MARCHF8: variants seen among roughly 807,000 people sequenced by gnomAD.
MARCHF8 encodes membrane associated ring-CH-type finger 8.
A neutral mutation model predicts 51.6 loss-of-function variants in MARCHF8; 40 were observed. The ratio of observed to expected loss-of-function variants is 0.77; its 90% CI spans 0.60 to 1.01. The LOEUF (loss-of-function observed/expected upper bound fraction) is 1.01. Ranked by LOEUF, MARCHF8 falls within the 50% of genes least tolerant of loss-of-function variation. MARCHF8 has a pLI of 0.00. For missense variants in MARCHF8, 685 were observed against 708.6 expected (o/e 0.97, Z 0.38); for synonymous variants, 263 against 280.3 (o/e 0.94, Z 0.62).
At chr10:45,458,785 G>A (rs1488233751) in intron 7 of MARCHF8, among the ~76,000 whole-genome samples, 1 of 152,094 alleles carries the variant, frequency 6.6e-6, no homozygotes, top group East Asian at 1.9e-4. Context: ...CAAGTATCTG[G>A]GGACCACAAG....
chr10:45,556,855 A>G (rs2044256606), intron 1 of MARCHF8, among the ~76,000 whole-genome samples: 1 of 152,240 alleles, frequency 6.6e-6, no homozygotes, highest in Admixed American at 6.5e-5. Flanking sequence ...AAGGATGAGT[A>G]AATAGAATCA....
intron 2 of MARCHF8, among the ~76,000 whole-genome samples, chr10:45,502,148 C>T (rs1484835562): frequency 6.6e-6 from 1 of 152,134 alleles, no homozygotes; most frequent in African/African-American, 2.4e-5. Flanking sequence ...AATGAAAACA[C>T]ATGTTCACAT....
At chr10:45,464,904 G>A (rs1293808343) in intron 3 of MARCHF8, among the ~76,000 whole-genome samples, 1 of 152,240 alleles carries the variant, frequency 6.6e-6, no homozygotes, top group East Asian at 1.9e-4. Flanking sequence ...ACCAGGGGCT[G>A]AGGTAGAGCA....
chr10:45,578,553 C>A (rs1187758334), intron 1 of MARCHF8, among the ~76,000 whole-genome samples: 1 of 152,144 alleles, frequency 6.6e-6, no homozygotes, highest in Non-Finnish European at 1.5e-5. Context: ...AAAGTCATCA[C>A]TGGACGCTAA....
intron 1 of MARCHF8, among the ~76,000 whole-genome samples, chr10:45,565,160 G>A (rs185209263): frequency 1.3e-4 from 20 of 152,228 alleles, no homozygotes; most frequent in African/African-American, 4.6e-4. Flanking sequence ...CATGACAGTA[G>A]GCTGTCATCT....
intron 1 of MARCHF8, among the ~76,000 whole-genome samples, chr10:45,541,425 T>C (rs2044050832): frequency 6.6e-6 from 1 of 150,992 alleles, no homozygotes; most frequent in African/African-American, 2.4e-5. Flanking sequence ...TGTTGCGGGG[T>C]GGGGGGCTAG....
In MARCHF8 at chr10:45,461,300, G is replaced by A. The variant is rs572502084; in HGVS notation, c.1200C>T (p.Ser400=). 41 of 1,604,820 alleles carry A rather than the reference G, an allele frequency of 2.6e-5. No individual in the cohort carries two copies. Among genetic ancestry groups the A allele is most frequent in the East Asian group, 6.9e-5 (3 of 43,762 alleles). The change falls in exon 6 of 8, where the codon TCC becomes TCT. Residue 400 remains serine (S), a synonymous_variant. Transcript: ENST00000453424. ...QACLQQWIKS[S]DTRCCELCKY... ...TGCAGAGCTCGCAGCAGCGCGTGTC[G>A]GAGCTCTTGATCCACTGCTGCAGGC...
chr10:45,510,058 A>G (rs528300862), intron 2 of MARCHF8, among the ~76,000 whole-genome samples: 7 of 152,306 alleles, frequency 4.6e-5, no homozygotes, highest in Admixed American at 2.0e-4. Flanking sequence ...AATGGGATAG[A>G]GTAGTACAGT....
At chr10:45,473,692 G>C (rs180685839) in intron 3 of MARCHF8, among the ~76,000 whole-genome samples, 1 of 152,076 alleles carries the variant, frequency 6.6e-6, no homozygotes, top group African/African-American at 2.4e-5. Context: ...GAATAGAGTG[G>C]GTTTAAGCCT....
At chr10:45,521,372 G>A (rs937702485) in intron 2 of MARCHF8, among the ~76,000 whole-genome samples, 6 of 152,170 alleles carry the variant, frequency 3.9e-5, no homozygotes, top group African/African-American at 1.4e-4. Flanking sequence ...CTAGAACAAT[G>A]CAGCATAGCA....
rs1842644520 is a variant in MARCHF8, at chr10:45,457,668, G to A, written c.*571C>T. On this transcript the variant is annotated 3_prime_UTR_variant, in exon 8 of 8. Transcript: ENST00000453424. ...GATTTTCTTCTGTAAAGTGCTGTTTGCTCAGTGAATCATGCGCCACCACAG... is the reference window on the plus strand; with the variant it reads ...GATTTTCTTCTGTAAAGTGCTGTTTACTCAGTGAATCATGCGCCACCACAG... The A allele has an allele frequency of 6.5e-6, 1 of 152,830 alleles. No homozygotes were observed. The highest frequency in any genetic ancestry group is 2.4e-5 in the African/African-American group (1 of 41,436). The allele number at this position is 152,830 out of a possible 1,614,324, so 9.5% of individuals were successfully genotyped here. A position where few individuals can be genotyped will look rare whatever the true frequency, so the allele number is the denominator to read the frequency against.
chr10:45,560,021 C>G (rs897593928), intron 1 of MARCHF8, among the ~76,000 whole-genome samples: 1 of 152,076 alleles, frequency 6.6e-6, no homozygotes, highest in African/African-American at 2.4e-5. Flanking sequence ...CCAAGGACAG[C>G]CAATCTGCTG....
At position 45,499,623 on chromosome 10, in the gene MARCHF8, T is replaced by C. The variant is rs115884961; in HGVS notation, c.103-10206A>G. Among the ~76,000 whole-genome samples, 1,303 of 152,298 alleles carry C rather than the reference T, an allele frequency of 8.6e-3. 10 individuals are homozygous for C. Among genetic ancestry groups the C allele is most frequent in the African/African-American group, 0.024 (989 of 41,574 alleles). ...TACATGGTGTAAAGTAAGGGTCCAA[T>C]TGTATTCTTTTGCCTCTTAATATCC... On this transcript the variant is annotated intron_variant, in intron 2 of 7. Coordinates refer to ENST00000453424, the MANE Select transcript of MARCHF8 (RefSeq NM_001282866.2).
At chr10:45,537,194 C>T (rs918081887), upstream of MARCHF8, among the ~76,000 whole-genome samples, 1 of 152,108 alleles carries the variant, frequency 6.6e-6, no homozygotes, top group Non-Finnish European at 1.5e-5. Context: ...ATGAATGTTT[C>T]TATCACATTA....
At chr10:45,536,471 A>G (rs995631638), upstream of MARCHF8, among the ~76,000 whole-genome samples, 1 of 152,226 alleles carries the variant, frequency 6.6e-6, no homozygotes, top group Middle Eastern at 3.4e-3. Context: ...ACAGCCAGTC[A>G]TAATGGTTCA....
At chr10:45,581,543 G>A (rs1307641229) in intron 1 of MARCHF8, among the ~76,000 whole-genome samples, 1 of 152,112 alleles carries the variant, frequency 6.6e-6, no homozygotes, top group African/African-American at 2.4e-5. Context: ...TAGTAAGAAT[G>A]CTTTTTTCCC....
chr10:45,500,296 T>C (rs369059163), intron 2 of MARCHF8, among the ~76,000 whole-genome samples: 8 of 152,200 alleles, frequency 5.3e-5, no homozygotes, highest in Non-Finnish European at 5.9e-5. Context: ...CTTGAAACTT[T>C]GCTGAATTCA....
chr10:45,544,456 A>G (rs2044095947), intron 1 of MARCHF8, among the ~76,000 whole-genome samples: 1 of 152,218 alleles, frequency 6.6e-6, no homozygotes, highest in South Asian at 2.1e-4. Context: ...ATAGCCCAAA[A>G]CTGGAAATAT....
At chr10:45,502,691 T>C (rs1378873169) in intron 2 of MARCHF8, among the ~76,000 whole-genome samples, 3 of 152,172 alleles carry the variant, frequency 2.0e-5, no homozygotes, top group Non-Finnish European at 4.4e-5. Context: ...AAACTAAGTA[T>C]GTGGTGAAAA....
Sources: allele counts gnomAD v4.1 joint callset (sites outside exome capture counted in the v4.1 genomes callset), GRCh38; gene constraint gnomAD v4.1.1; transcripts MANE v1.5; gene names NCBI Gene and HGNC (gene_info 2026-07-23, HGNC 2026-07-21).